KNTC1: variants seen among roughly 807,000 people sequenced by gnomAD.
The protein encoded by KNTC1 is kinetochore associated 1, also known as kinetochore-associated protein 1.
A neutral mutation model predicts 314.4 loss-of-function variants in KNTC1; 253 were observed. The observed-to-expected ratio is 0.80, with a 90% CI of 0.73 to 0.89. The LOEUF (loss-of-function observed/expected upper bound fraction) is 0.89. Among genes scored for constraint, KNTC1 ranks in the 40% least tolerant of loss-of-function variants. The probability of loss-of-function intolerance (pLI) is 0.00; values close to 1 mark genes in which losing one functional copy is unlikely to be tolerated. For synonymous variants in KNTC1, 901 were observed against 901.4 expected (o/e 1.00, Z 0.01); for missense variants, 2,475 against 2,572.9 (o/e 0.96, Z 0.82).
rs1873438795 is a variant in KNTC1, at chr12:122,613,730, GTC to G, written c.5848_5849del (p.Leu1950ValfsTer16). The G allele has an allele frequency of 6.2e-7, 1 of 1,611,644 alleles. No individual in the cohort carries two copies. The highest frequency in any genetic ancestry group is 1.3e-5 in the African/African-American group (1 of 74,748). ...AGTCCTAAAGAAGGAATGATTAAGG[GTC>G]TGTGGAAAAACCACAGCCACGAGTC... is the stretch of plus-strand genomic sequence containing the variant. On this transcript the variant is annotated frameshift_variant, in exon 55 of 64. Transcript: ENST00000333479. LOFTEE classifies it high-confidence loss of function.
chr12:122,591,568 A>G, intron 42 of KNTC1, 115 bp downstream of exon 42: 3 of 654,000 alleles, frequency 4.6e-6, no homozygotes, highest in Non-Finnish European at 8.2e-6. Context: ...GTACTGCCTC[A>G]TACATTTTAT....
intron 20 of KNTC1, among the ~76,000 whole-genome samples, chr12:122,566,475 T>A (rs1964349156): frequency 6.6e-6 from 1 of 151,790 alleles, no homozygotes; most frequent in Admixed American, 6.6e-5. Flanking sequence ...AGTGGCATGA[T>A]CTCAGCTCAC....
At chr12:122,592,308 G>A (rs1404041934) in intron 42 of KNTC1, among the ~76,000 whole-genome samples, 1 of 152,186 alleles carries the variant, frequency 6.6e-6, no homozygotes, top group Admixed American at 6.5e-5. Flanking sequence ...GCCTTCCCCC[G>A]CCTCCGTGGG....
chr12:122,549,811 T>C lies in KNTC1; in HGVS notation c.1033T>C (p.Tyr345His). The change falls in exon 13 of 64, where the codon TAT becomes CAT. Residue 345 changes from tyrosine (Y) to histidine (H), a missense_variant. By Grantham distance (83) the Tyr-to-His change is moderately conservative. Coordinates refer to ENST00000333479, the MANE Select transcript of KNTC1 (RefSeq NM_014708.6). ...TTCATTACCTACAATGGAAATACTATATTCTTTGGAAGTATCTAGTGTTTC... is the reference window on the plus strand; with the variant it reads ...TTCATTACCTACAATGGAAATACTACATTCTTTGGAAGTATCTAGTGTTTC... ...VYSLPTMEIL[Y>H]SLEVSSVSSL... 1 of 1,570,116 alleles carries C rather than the reference T, an allele frequency of 6.4e-7. No individual in the cohort carries two copies. The highest frequency in any genetic ancestry group is 8.7e-7 in the Non-Finnish European group (1 of 1,149,852).
intron 3 of KNTC1, among the ~76,000 whole-genome samples, chr12:122,535,469 C>T (rs1321005711): frequency 1.3e-5 from 2 of 152,070 alleles, no homozygotes; most frequent in Non-Finnish European, 2.9e-5. Context: ...GGTGAAATCC[C>T]GTTTTCTCTA....
chr12:122,570,976 C>T, intron 23 of KNTC1, 44 bp downstream of exon 23: 1 of 1,595,320 alleles, frequency 6.3e-7, no homozygotes, highest in Non-Finnish European at 8.6e-7. Context: ...TTTGCACACT[C>T]CCAACAGCAT....
chr12:122,543,633 A>C lies in KNTC1; in HGVS notation c.557A>C (p.Lys186Thr). Residue 186 changes from lysine to threonine, a missense_variant and splice_region_variant, in exon 7 of 64, where the codon AAG becomes ACG. Lys to Thr is a moderately conservative substitution (Grantham distance 78). Coordinates refer to ENST00000333479, the MANE Select transcript of KNTC1 (RefSeq NM_014708.6). Reference sequence around the variant, plus strand: ...AATGTAGACTTCAGTACAGCAAAAAAGGTAAGAAAATAAATCCATATTGTC... The same window carrying C: ...AATGTAGACTTCAGTACAGCAAAAACGGTAAGAAAATAAATCCATATTGTC... ...IENVDFSTAK[K>T]LQGQIKSSFI... 6.5e-7 allele frequency: 1 copy of C among 1,549,642 alleles called. No individual in the cohort carries two copies. The highest frequency in any genetic ancestry group is 8.8e-7 in the Non-Finnish European group (1 of 1,142,848).
intron 20 of KNTC1, among the ~76,000 whole-genome samples, chr12:122,563,462 G>A (rs1047360544): frequency 1.3e-5 from 2 of 151,996 alleles, no homozygotes; most frequent in African/African-American, 4.8e-5. Context: ...TATATTGCAA[G>A]GCATTATAGA....
rs372501009 is a variant in KNTC1 at position 122,590,636 on chromosome 12, C to G, written c.4029C>G (p.Asp1343Glu). Residue 1343 changes from aspartate to glutamate, a missense_variant, in exon 41 of 64, where the codon GAC becomes GAG. By Grantham distance (45) the Asp-to-Glu change is conservative. Transcript: ENST00000333479. ...KVFNCRLVDL[D>E]LALGYCTLLP... ...TTAATTGTCGCTTGGTAGATCTTGACCTGGCGTTGGGTTACTGCACTCTCT... is the reference window on the plus strand; with the variant it reads ...TTAATTGTCGCTTGGTAGATCTTGAGCTGGCGTTGGGTTACTGCACTCTCT... 2 of 1,612,726 alleles carry G rather than the reference C, an allele frequency of 1.2e-6. No individual in the cohort carries two copies. Among genetic ancestry groups the G allele is most frequent in the Non-Finnish European group, 8.5e-7 (1 of 1,179,368 alleles).
At chr12:122,554,989 G>A (rs898257077) in intron 16 of KNTC1, among the ~76,000 whole-genome samples, 6 of 151,864 alleles carry the variant, frequency 4.0e-5, no homozygotes, top group Admixed American at 2.6e-4. Flanking sequence ...AGGCTGCAGT[G>A]AGCTATGATT....
chr12:122,546,832 A>AT (rs200482729), intron 10 of KNTC1, among the ~76,000 whole-genome samples, 158 bp downstream of exon 10: 247 of 137,454 alleles, frequency 1.8e-3, no homozygotes, highest in African/African-American at 1.9e-3. Flanking sequence ...CTGAAATGTA[A>AT]TTTTTTTTTT....
intron 44 of KNTC1, among the ~76,000 whole-genome samples, chr12:122,601,192 C>T (rs1020047026): frequency 2.0e-5 from 3 of 152,140 alleles, no homozygotes; most frequent in Non-Finnish European, 4.4e-5. Context: ...ACACCATTCT[C>T]CTGCCTCAGC....
chr12:122,571,251 T>TG (rs1311635537), intron 24 of KNTC1, 125 bp downstream of exon 24: 2 of 636,066 alleles, frequency 3.1e-6, no homozygotes, highest in Non-Finnish European at 5.1e-6. Flanking sequence ...TTGTGCCTTT[T>TG]TTTTGTTTTG....
Position 122,538,429 on chromosome 12 carries a change from C to T in KNTC1, c.341C>T (p.Thr114Ile), listed in dbSNP as rs767875008. The change falls in exon 4 of 64, where the codon ACA becomes ATA. Residue 114 changes from threonine (T) to isoleucine (I), a missense_variant. Thr to Ile is a moderately conservative substitution (Grantham distance 89). Coordinates refer to ENST00000333479, the MANE Select transcript of KNTC1 (RefSeq NM_014708.6). ...GGCAACCTACATCTTATTCATGTAA[C>T]ATCAAAACAAACACTACTCACTAAT... ...RSGNLHLIHV[T>I]SKQTLLTNAF... 4 of 1,591,672 alleles carry T rather than the reference C, an allele frequency of 2.5e-6. No homozygotes were observed. Among genetic ancestry groups the T allele is most frequent in the Non-Finnish European group, 3.4e-6 (4 of 1,166,430 alleles).
Position 122,534,683 on chromosome 12 carries a change from T to C in KNTC1, c.149T>C (p.Ile50Thr), listed in dbSNP as rs761545034. ...CCACAGGCCTCATTAAATCCAAAGA[T>C]ACAGGCATGCAGCTTAAGTGATGGG... ...SSEKASLNPK[I>T]QACSLSDGFI... The change falls in exon 3 of 64, where the codon ATA (isoleucine) becomes ACA (threonine). Residue 50 changes from isoleucine (I) to threonine (T), a missense_variant. Coordinates refer to ENST00000333479, the MANE Select transcript of KNTC1 (RefSeq NM_014708.6). 24 of 1,609,686 alleles carry C rather than the reference T, an allele frequency of 1.5e-5. No homozygotes were observed. Among genetic ancestry groups the C allele is most frequent in the Non-Finnish European group, 1.9e-5 (22 of 1,177,458 alleles).
chr12:122,539,061 G>T (rs939588907), intron 4 of KNTC1, among the ~76,000 whole-genome samples: 10 of 152,336 alleles, frequency 6.6e-5, no homozygotes, highest in African/African-American at 2.2e-4. Flanking sequence ...AGATGGTCAG[G>T]TTTTTATTAG....
At chr12:122,552,249 G>A (rs1463550990) in intron 16 of KNTC1, among the ~76,000 whole-genome samples, 1 of 152,136 alleles carries the variant, frequency 6.6e-6, no homozygotes, top group Middle Eastern at 3.2e-3. Flanking sequence ...GACCAGGGAG[G>A]GGAAGGGATT....
intron 41 of KNTC1, 147 bp from the exon 42 acceptor site, chr12:122,591,190 G>A: frequency 1.7e-6 from 1 of 603,080 alleles, no homozygotes; most frequent in Admixed American, 3.1e-5. Context: ...TATTACGTAA[G>A]AAGTAACGAC....
chr12:122,613,476 T>C lies in KNTC1; in HGVS notation c.5742-150T>C, dbSNP rs1873406138. The C allele has an allele frequency of 7.3e-6, 5 of 687,742 alleles. No individual in the cohort carries two copies. In the South Asian group the frequency reaches 1.1e-4, roughly 15 times the overall value. The allele number at this position is 687,742 out of a possible 1,614,324, so 42.6% of individuals were successfully genotyped here. A position where few individuals can be genotyped will look rare whatever the true frequency, so the allele number is the denominator to read the frequency against. On this transcript the variant is annotated intron_variant, in intron 54 of 63. Coordinates refer to ENST00000333479, the MANE Select transcript of KNTC1 (RefSeq NM_014708.6). ...TTTATCTTGTTCAAATTGATTTCTATCTAATGTTATTATATATTCAGTGAA... is the reference window on the plus strand; with the variant it reads ...TTTATCTTGTTCAAATTGATTTCTACCTAATGTTATTATATATTCAGTGAA...
Sources: allele counts gnomAD v4.1 joint callset (sites outside exome capture counted in the v4.1 genomes callset), GRCh38; gene constraint gnomAD v4.1.1; transcripts MANE v1.5; gene names NCBI Gene and HGNC (gene_info 2026-07-23, HGNC 2026-07-21).